KLHL22: variants seen among roughly 807,000 people sequenced by gnomAD.
KLHL22 encodes kelch like family member 22.
KLHL22 carries 18 observed loss-of-function variants against 60.7 expected under a neutral mutation model. The ratio of observed to expected loss-of-function variants is 0.30; its 90% CI spans 0.20 to 0.44. The LOEUF is 0.44. KLHL22 is among the 20% of genes least tolerant of loss of function. The probability of loss-of-function intolerance (pLI) is 1.00; values close to 1 mark genes in which losing one functional copy is unlikely to be tolerated. For missense variants in KLHL22, 596 were observed against 852.3 expected (o/e 0.70, Z 3.74); for synonymous variants, 355 against 354.5 (o/e 1.00, Z -0.01).
intron 1 of KLHL22, among the ~76,000 whole-genome samples, chr22:20,494,171 G>C (rs897026356): frequency 6.6e-6 from 1 of 151,626 alleles, no homozygotes; most frequent in African/African-American, 2.4e-5. Flanking sequence ...TGGAGTTCAA[G>C]ACCACCTTGG....
At chr22:20,451,906 CTG>C in intron 5 of KLHL22, 1 of 1,242,818 alleles carries the variant, frequency 8.0e-7, no homozygotes, top group East Asian at 2.3e-5. Flanking sequence ...TCTAGAATGT[CTG>C]TTTCTCACTA....
chr22:20,494,556 T>G (rs1168666550), intron 1 of KLHL22, among the ~76,000 whole-genome samples: 1 of 152,134 alleles, frequency 6.6e-6, no homozygotes, highest in East Asian at 1.9e-4. Flanking sequence ...AATTTTTGTA[T>G]TTTTAGTAGA....
At position 20,495,248 on chromosome 22, in the gene KLHL22, G is replaced by A. The variant is rs1247358363; in HGVS notation, c.-34+512C>T. Among the ~76,000 whole-genome samples the A allele has an allele frequency of 6.6e-6, 1 of 152,250 alleles. No individual in the cohort carries two copies. The highest frequency in any genetic ancestry group is 1.5e-5 in the Non-Finnish European group (1 of 68,050). ...CTTCGCGCTCTGGTGATTTTGCACT[G>A]ACAGCGCGATCTCCGGCTCCTCTCA... On this transcript the variant is annotated intron_variant, in intron 1 of 6. Transcript: ENST00000328879. This position sits in a 1 kb window ranked among gnomAD's most constrained non-coding sequence, Gnocchi z 4.6.
chr22:20,488,637 G>GTAGATCTCGGTGGTCGCCGTATCATTAAA, intron 2 of KLHL22: 1 of 281,680 alleles, frequency 3.6e-6, no homozygotes, highest in Non-Finnish European at 6.7e-6. Context: ...GCCAGAAGGT[G>GTAGATCTCGGTGGTCGCCGTATCATTAAA]ATGCATACAC....
intron 3 of KLHL22, among the ~76,000 whole-genome samples, chr22:20,470,684 ATGG>A (rs1569136160): frequency 1.0e-5 from 1 of 98,506 alleles, no homozygotes. Flanking sequence ...GGATGGGTGG[ATGG>A]ATGGATGGAT....
At chr22:20,471,034 G>A (rs1046698781) in intron 3 of KLHL22, among the ~76,000 whole-genome samples, 4 of 152,210 alleles carry the variant, frequency 2.6e-5, no homozygotes, top group African/African-American at 4.8e-5. Context: ...CACACAGGAC[G>A]TCCACATGCA....
At chr22:20,458,668 C>T (rs2053105824) in intron 4 of KLHL22, among the ~76,000 whole-genome samples, 1 of 151,918 alleles carries the variant, frequency 6.6e-6, no homozygotes, top group South Asian at 2.1e-4. Context: ...GCCTCCAAGC[C>T]TTGAACTTCC....
In KLHL22 at chr22:20,465,352, C is replaced by T; in HGVS notation, c.618G>A (p.Glu206=). ...CATATACCTCGGTCTCGCAGGAGAC[C>T]TCCAGGCGATTGCTGCTGAGGAGGG... ...VYSLLSSNRL[E]VSCETEVYEG... is the part of the protein sequence containing the mutation. Residue 206 remains glutamate, a synonymous_variant, in exon 4 of 7, where the codon GAG becomes GAA. Transcript: ENST00000328879. This position sits in a 1 kb window ranked among gnomAD's most constrained non-coding sequence, Gnocchi z 4.9. 1 of 1,614,124 alleles carries T rather than the reference C, an allele frequency of 6.2e-7. No individual in the cohort carries two copies. The highest frequency in any genetic ancestry group is 1.1e-5 in the South Asian group (1 of 91,084).
At position 20,481,659 on chromosome 22, in the gene KLHL22, AT is replaced by A. The variant is rs2053503956; in HGVS notation, c.227+7325del. Among the ~76,000 whole-genome samples, 2 of 152,218 alleles carry A rather than the reference AT, an allele frequency of 1.3e-5. 1 individual carries two copies. The highest frequency in any genetic ancestry group is 4.1e-4 in the South Asian group (2 of 4,832). On this transcript the variant is annotated intron_variant, in intron 2 of 6. Coordinates refer to ENST00000328879, the MANE Select transcript of KLHL22 (RefSeq NM_032775.4). The stretch of plus-strand genomic sequence containing the variant: ...GCGCAAGCTGGACTGTAGTGGGACC[AT>A]CTTGGCTTGGCTCGGCTCACTGCAG...
chr22:20,451,342 C>T, intron 5 of KLHL22: 1 of 1,611,554 alleles, frequency 6.2e-7, no homozygotes, highest in Admixed American at 1.7e-5. Context: ...GAGGAGCATG[C>T]TGGGAGATAT....
At chr22:20,487,810 T>C (rs958870681) in intron 2 of KLHL22, among the ~76,000 whole-genome samples, 1 of 151,884 alleles carries the variant, frequency 6.6e-6, no homozygotes, top group South Asian at 2.1e-4. Flanking sequence ...TCAGAAAGAG[T>C]GGTATGACAC....
chr22:20,457,272 AT>A (rs993993225), intron 5 of KLHL22, among the ~76,000 whole-genome samples: 1 of 151,594 alleles, frequency 6.6e-6, no homozygotes, highest in Non-Finnish European at 1.5e-5. Flanking sequence ...GATGCACGTG[AT>A]TTTTTTTTCA....
In KLHL22 at chr22:20,465,950, G is replaced by A. The variant is rs567555557; in HGVS notation, c.394-374C>T. Among the ~76,000 whole-genome samples the A allele has an allele frequency of 6.6e-6, 1 of 152,206 alleles. No individual in the cohort carries two copies. The highest frequency in any genetic ancestry group is 1.9e-4 in the East Asian group (1 of 5,170). ...CCTGCCTCAGCCTCCCGTACAGAAT[G>A]TTTTTAACCTCTCTAAGCCTCAGTC... On this transcript the variant is annotated intron_variant, in intron 3 of 6. Coordinates refer to ENST00000328879, the MANE Select transcript of KLHL22 (RefSeq NM_032775.4). This position sits in a 1 kb window ranked among gnomAD's most constrained non-coding sequence, Gnocchi z 4.9.
intron 5 of KLHL22, among the ~76,000 whole-genome samples, chr22:20,454,974 C>T (rs182650546): frequency 8.7e-4 from 132 of 152,204 alleles, no homozygotes; most frequent in South Asian, 2.1e-3. Context: ...CTCTGCCTCC[C>T]GGGTTCACGC....
intron 2 of KLHL22, among the ~76,000 whole-genome samples, chr22:20,485,686 G>A (rs1266537330): frequency 6.6e-6 from 1 of 151,348 alleles, no homozygotes; most frequent in African/African-American, 2.5e-5. Context: ...TGGCCAACAT[G>A]GCAAAACCCC....
At chr22:20,473,566 T>C (rs2053361252) in intron 2 of KLHL22, among the ~76,000 whole-genome samples, 1 of 152,190 alleles carries the variant, frequency 6.6e-6, no homozygotes, top group Non-Finnish European at 1.5e-5. Context: ...ATATACATGC[T>C]ACCAGATTTA....
chr22:20,451,538 G>A (rs1337799758), intron 5 of KLHL22: 66 of 1,595,168 alleles, frequency 4.1e-5, no homozygotes, highest in Non-Finnish European at 1.8e-5. Context: ...CTGAATGACC[G>A]TATTTATGTG....
rs2053751647 is a variant in KLHL22 at position 20,495,327 on chromosome 22, C to T, written c.-34+433G>A. Among the ~76,000 whole-genome samples the T allele has an allele frequency of 6.6e-6, 1 of 152,202 alleles. No homozygotes were observed. Among genetic ancestry groups the T allele is most frequent in the African/African-American group, 2.4e-5 (1 of 41,456 alleles). On this transcript the variant is annotated intron_variant, in intron 1 of 6. Transcript: ENST00000328879. The surrounding 1 kb of genome is among the most constrained non-coding windows in gnomAD (Gnocchi z 4.6). ...CTCCTACGGCTGCAGTCCCCGGGCC[C>T]GATCGAGGGAACTGAGGCTCGTCAG...
chr22:20,473,067 G>A (rs1283183424), intron 2 of KLHL22, among the ~76,000 whole-genome samples: 1 of 152,198 alleles, frequency 6.6e-6, no homozygotes, highest in African/African-American at 2.4e-5. Flanking sequence ...ATTGAAATCT[G>A]AGCATTATGG....
Sources: gnomAD v4.1 joint callset for allele counts (sites outside exome capture counted in the v4.1 genomes callset) on GRCh38, gnomAD v4.1.1 for gene constraint, Gnocchi (gnomAD v3.1) non-coding constraint, MANE v1.5 for transcripts, NCBI Gene and HGNC (gene_info 2026-07-23, HGNC 2026-07-21) for gene names.